The following USP34 variants were observed in gnomAD, a reference collection of about 807,000 sequenced individuals.
USP34 encodes ubiquitin specific peptidase 34, also known as ubiquitin carboxyl-terminal hydrolase 34.
Under a neutral mutation model 460.3 loss-of-function variants are expected in USP34, and 70 were observed. That is an observed-to-expected ratio of 0.15 (90% CI 0.13 to 0.19). The LOEUF is 0.19. USP34 is among the 10% of genes least tolerant of loss of function. USP34 has a pLI of 1.00. For missense variants in USP34, 3,985 were observed against 4,236.2 expected (o/e 0.94, Z 1.65); for synonymous variants, 1,647 against 1,405.3 (o/e 1.17, Z -3.85).
intron 58 of USP34, among the ~76,000 whole-genome samples, 196 bp from the exon 59 acceptor site, chr2:61,229,829 A>G (rs2103828613): frequency 6.6e-6 from 1 of 152,310 alleles, no homozygotes; most frequent in South Asian, 2.1e-4. Context: ...ATTCAGTTTT[A>G]TGATAAAGAG....
At chr2:61,413,809 C>G (rs1241906131) in intron 2 of USP34, among the ~76,000 whole-genome samples, 1 of 145,612 alleles carries the variant, frequency 6.9e-6, no homozygotes, top group African/African-American at 2.6e-5. Flanking sequence ...GAAACCCCGT[C>G]TCTACTAGAT....
intron 1 of USP34, 84 bp from the exon 2 acceptor site, chr2:61,420,917 C>T: frequency 1.2e-6 from 1 of 855,526 alleles, no homozygotes; most frequent in South Asian, 1.9e-5. Flanking sequence ...CCAAGAGCTA[C>T]AAATGCAAAC....
intron 5 of USP34, among the ~76,000 whole-genome samples, chr2:61,393,954 G>A (rs1047971452): frequency 6.6e-6 from 1 of 151,924 alleles, no homozygotes; most frequent in Non-Finnish European, 1.5e-5. Flanking sequence ...TGGCCAACAT[G>A]TACTCAAAAT....
At chr2:61,204,751 T>C (rs1687068232) in intron 72 of USP34, 150 bp from the exon 73 acceptor site, 3 of 640,804 alleles carry the variant, frequency 4.7e-6, no homozygotes, top group South Asian at 3.9e-5. Flanking sequence ...TTCTGTCTTA[T>C]GCTCAATCAA....
intron 34 of USP34, among the ~76,000 whole-genome samples, chr2:61,286,971 T>A (rs1689709117): frequency 6.6e-6 from 1 of 152,186 alleles, no homozygotes; most frequent in African/African-American, 2.4e-5. Context: ...AGAGCATTAT[T>A]ATAACCTGGA....
intron 59 of USP34, 110 bp downstream of exon 59, chr2:61,229,438 A>C: frequency 1.3e-6 from 1 of 772,118 alleles, no homozygotes; most frequent in East Asian, 3.0e-5. Context: ...CCTGGGCAAC[A>C]TGAAGAAACC....
At chr2:61,343,252 A>T (rs1477765504) in intron 16 of USP34, among the ~76,000 whole-genome samples, 1 of 152,102 alleles carries the variant, frequency 6.6e-6, no homozygotes, top group African/African-American at 2.4e-5. Flanking sequence ...TTTACTCATT[A>T]ATTCCCTACT....
intron 1 of USP34, among the ~76,000 whole-genome samples, chr2:61,465,974 C>A (rs1558612019): frequency 6.7e-6 from 1 of 149,966 alleles, no homozygotes; most frequent in Non-Finnish European, 1.5e-5. Context: ...AAGACTCTGT[C>A]TCAAAAAAAA....
chr2:61,261,741 C>A (rs967951174), intron 43 of USP34, among the ~76,000 whole-genome samples: 2 of 152,068 alleles, frequency 1.3e-5, no homozygotes, highest in African/African-American at 4.8e-5. Context: ...ATATAATTAA[C>A]TGAAGTGTTC....
chr2:61,430,552 T>C (rs1031749451), intron 1 of USP34, among the ~76,000 whole-genome samples: 6 of 152,352 alleles, frequency 3.9e-5, no homozygotes, highest in Admixed American at 1.3e-4. Flanking sequence ...GTGGTTCTTA[T>C]ATGAGTGTAT....
intron 76 of USP34, 63 bp from the exon 77 acceptor site, chr2:61,190,721 A>G: frequency 6.5e-7 from 1 of 1,543,732 alleles, no homozygotes; most frequent in Non-Finnish European, 8.7e-7. Context: ...TACACGGAAA[A>G]AACTTACACA....
chr2:61,460,779 T>C (rs1004256574), intron 1 of USP34, among the ~76,000 whole-genome samples: 1 of 151,922 alleles, frequency 6.6e-6, no homozygotes, highest in Non-Finnish European at 1.5e-5. Flanking sequence ...GTTCAGGAGA[T>C]CGAGACCATC....
At chr2:61,413,415 AAAAC>A (rs1400183117) in intron 2 of USP34, among the ~76,000 whole-genome samples, 1 of 149,484 alleles carries the variant, frequency 6.7e-6, no homozygotes, top group East Asian at 2.0e-4. Context: ...AAAAAATAAA[AAAAC>A]AAAAGAGGCC....
At chr2:61,460,891 G>C (rs754113295) in intron 1 of USP34, among the ~76,000 whole-genome samples, 7 of 150,856 alleles carry the variant, frequency 4.6e-5, no homozygotes, top group African/African-American at 7.3e-5. Context: ...GCTGAGGCAG[G>C]ACAATCACTT....
At position 61,236,091 on chromosome 2, in the gene USP34, G is replaced by C. The variant is rs1419484601; in HGVS notation, c.6919-18C>G. 7 of 1,595,904 alleles carry C rather than the reference G, an allele frequency of 4.4e-6. No homozygotes were observed. Among genetic ancestry groups the C allele is most frequent in the Non-Finnish European group, 6.0e-6 (7 of 1,175,272 alleles). On this transcript the variant is annotated intron_variant, in intron 55 of 79. Transcript: ENST00000398571. ...GTGCTTAACTGTAAGAAAAGATAAA[G>C]CAAAAAAGCTTCAATCATTTTAAAG...
At chr2:61,393,758 C>T (rs1475117331) in intron 5 of USP34, among the ~76,000 whole-genome samples, 1 of 152,148 alleles carries the variant, frequency 6.6e-6, no homozygotes, top group Non-Finnish European at 1.5e-5. Context: ...TAAAGGTACA[C>T]TGAACTTTTG....
intron 29 of USP34, 82 bp downstream of exon 29, chr2:61,300,869 T>C: frequency 1.0e-6 from 1 of 969,792 alleles, no homozygotes; most frequent in Non-Finnish European, 1.5e-6. Flanking sequence ...TATAACGTTT[T>C]ATAAACTATA....
chr2:61,406,266 T>C (rs1235724644), intron 2 of USP34, 138 bp from the exon 3 acceptor site: 4 of 729,412 alleles, frequency 5.5e-6, no homozygotes, highest in African/African-American at 1.8e-5. Context: ...GGGTACACCT[T>C]AATAACATAA....
chr2:61,370,059 GT>G (rs1356388439), intron 10 of USP34, among the ~76,000 whole-genome samples: 1 of 150,484 alleles, frequency 6.6e-6, no homozygotes, highest in East Asian at 1.9e-4. Context: ...AGGGTAGACT[GT>G]ATAAATGAGA....
Sources: allele counts gnomAD v4.1 joint callset (sites outside exome capture counted in the v4.1 genomes callset), GRCh38; gene constraint gnomAD v4.1.1; transcripts MANE v1.5; gene names NCBI Gene and HGNC (gene_info 2026-07-23, HGNC 2026-07-21).